SLC5A4: variants seen among roughly 807,000 people sequenced by gnomAD.
SLC5A4 encodes the protein solute carrier family 5 member 4, also known as probable glucose sensor protein SLC5A4.
In SLC5A4, 55 loss-of-function variants were observed where a neutral mutation model predicts 70.3. That is an observed-to-expected ratio of 0.78 (90% CI 0.63 to 0.98). The LOEUF is 0.98. Among genes scored for constraint, SLC5A4 ranks in the 50% least tolerant of loss-of-function variants. SLC5A4 has a pLI of 0.00. For missense variants in SLC5A4, 735 were observed against 839.2 expected (o/e 0.88, Z 1.53); for synonymous variants, 268 against 305.7 (o/e 0.88, Z 1.29).
At chr22:32,272,194 A>C in the SLC5A4 span, 2 of 743,272 alleles carry the variant, frequency 2.7e-6, no homozygotes, top group Non-Finnish European at 5.0e-6. Flanking sequence ...GAGGAGGAGG[A>C]GGTCATGTCC....
chr22:32,312,790 C>A, the SLC5A4 span, among the ~76,000 whole-genome samples: 6 of 152,186 alleles, frequency 3.9e-5, no homozygotes, highest in South Asian at 1.2e-3. Context: ...GATCTCATCT[C>A]CCCCATCCTG....
At chr22:32,285,885 C>T in the SLC5A4 span, among the ~76,000 whole-genome samples, 20 of 151,970 alleles carry the variant, frequency 1.3e-4, no homozygotes, top group African/African-American at 4.3e-4. Context: ...TACAGGCGCC[C>T]GCTACCACGC....
At chr22:32,335,484 G>T in the SLC5A4 span, among the ~76,000 whole-genome samples, 1 of 152,180 alleles carries the variant, frequency 6.6e-6, no homozygotes, top group African/African-American at 2.4e-5. Flanking sequence ...GACTTTGGGG[G>T]TTCTTCCTAT....
At chr22:32,271,511 G>A in the SLC5A4 span, 6 of 718,584 alleles carry the variant, frequency 8.3e-6, no homozygotes, top group Non-Finnish European at 1.0e-5. Context: ...GCTTCCGTGA[G>A]AAGAAGCCGA....
At chr22:32,236,105 C>A (rs1337194000) in intron 7 of SLC5A4, among the ~76,000 whole-genome samples, 1 of 152,148 alleles carries the variant, frequency 6.6e-6, no homozygotes, top group African/African-American at 2.4e-5. Flanking sequence ...GCACCATGAA[C>A]AAGAACAGCA....
At chr22:32,259,082 G>A (rs1182925520), upstream of SLC5A4, among the ~76,000 whole-genome samples, 2 of 152,196 alleles carry the variant, frequency 1.3e-5, no homozygotes, top group Non-Finnish European at 2.9e-5. Context: ...GAGGTAAATG[G>A]AGAGTTGCTA....
At chr22:32,307,140 T>C in the SLC5A4 span, among the ~76,000 whole-genome samples, 2 of 139,102 alleles carry the variant, frequency 1.4e-5, no homozygotes, top group South Asian at 2.5e-4. Context: ...CCATTTATGG[T>C]ACAGTGTCGT....
chr22:32,338,249 T>C, the SLC5A4 span, among the ~76,000 whole-genome samples: 1 of 152,094 alleles, frequency 6.6e-6, no homozygotes, highest in Non-Finnish European at 1.5e-5. Context: ...TTCATGAAAA[T>C]GGCTTCAAAC....
At chr22:32,288,501 T>C in the SLC5A4 span, among the ~76,000 whole-genome samples, 1 of 152,202 alleles carries the variant, frequency 6.6e-6, no homozygotes, top group African/African-American at 2.4e-5. Flanking sequence ...CCACATTAGA[T>C]TTTGCATGAA....
chr22:32,270,186 A>T, the SLC5A4 span: 2 of 663,576 alleles, frequency 3.0e-6, no homozygotes, highest in Non-Finnish European at 2.8e-6. Context: ...ACAGCTGGCC[A>T]CCTACCTTTG....
the SLC5A4 span, among the ~76,000 whole-genome samples, chr22:32,351,813 T>C: frequency 6.7e-6 from 1 of 148,506 alleles, no homozygotes; most frequent in African/African-American, 2.5e-5. Flanking sequence ...TTTTGGACTG[T>C]TGTTTGTTAA....
At chr22:32,237,138 G>T in intron 7 of SLC5A4, 106 bp downstream of exon 7, 1 of 761,932 alleles carries the variant, frequency 1.3e-6, no homozygotes, top group Non-Finnish European at 2.3e-6. Flanking sequence ...TGGAAAGTGT[G>T]ACCAGATGGA....
chr22:32,235,842 T>C (rs931227885), intron 7 of SLC5A4, among the ~76,000 whole-genome samples: 2 of 152,240 alleles, frequency 1.3e-5, no homozygotes, highest in African/African-American at 4.8e-5. Context: ...TACTTCATTA[T>C]TTAGCTGAAG....
At chr22:32,336,849 CTTT>C in the SLC5A4 span, among the ~76,000 whole-genome samples, 2 of 152,232 alleles carry the variant, frequency 1.3e-5, no homozygotes, top group South Asian at 2.1e-4. Flanking sequence ...GGGGCCTGGC[CTTT>C]TTTGTCTTTC....
the SLC5A4 span, among the ~76,000 whole-genome samples, chr22:32,305,615 A>G: frequency 6.8e-6 from 1 of 147,840 alleles, no homozygotes; most frequent in Non-Finnish European, 1.5e-5. Context: ...TCCACTGTGC[A>G]GCCTGTCCCT....
At chr22:32,348,030 C>G in the SLC5A4 span, among the ~76,000 whole-genome samples, 2 of 152,112 alleles carry the variant, frequency 1.3e-5, no homozygotes, top group African/African-American at 4.8e-5. Context: ...TTTTTGGATA[C>G]TTCACATGGG....
At chr22:32,339,620 C>A in the SLC5A4 span, among the ~76,000 whole-genome samples, 2 of 152,138 alleles carry the variant, frequency 1.3e-5, no homozygotes, top group Non-Finnish European at 2.9e-5. Context: ...AGGTGGGGAG[C>A]CACCAGGTGG....
the SLC5A4 span, among the ~76,000 whole-genome samples, chr22:32,302,618 A>G: frequency 6.6e-6 from 1 of 152,178 alleles, no homozygotes; most frequent in Non-Finnish European, 1.5e-5. Context: ...CCTTAGCCAA[A>G]AACCAATTTG....
At chr22:32,232,852 A>G (rs774839702) in intron 9 of SLC5A4, 47 bp downstream of exon 9, 5 of 1,554,914 alleles carry the variant, frequency 3.2e-6, no homozygotes, top group Non-Finnish European at 4.4e-6. Flanking sequence ...AACACTTATC[A>G]GAATACAAGC....
Sources: allele counts gnomAD v4.1 joint callset (sites outside exome capture counted in the v4.1 genomes callset), GRCh38; gene constraint gnomAD v4.1.1; transcripts MANE v1.5; gene names NCBI Gene and HGNC (gene_info 2026-07-23, HGNC 2026-07-21).